The following MACROD2 variants were observed in gnomAD, a reference collection of about 807,000 sequenced individuals.
MACROD2 encodes ADP-ribose glycohydrolase MACROD2.
A neutral mutation model predicts 70.4 loss-of-function variants in MACROD2; 36 were observed. The ratio of observed to expected loss-of-function variants is 0.51; its 90% confidence interval spans 0.39 to 0.68. The LOEUF is 0.68. Among genes scored for constraint, MACROD2 ranks in the 30% least tolerant of loss-of-function variants. The probability of loss-of-function intolerance (pLI) is 0.00; values close to 1 mark genes in which losing one functional copy is unlikely to be tolerated. For missense variants in MACROD2, 496 were observed against 538.4 expected (o/e 0.92, Z 0.78); for synonymous variants, 172 against 178.8 (o/e 0.96, Z 0.30).
intron 3 of MACROD2, among the ~76,000 whole-genome samples, chr20:14,206,525 C>T (rs1445403659): frequency 6.6e-6 from 1 of 152,214 alleles, no homozygotes; most frequent in Non-Finnish European, 1.5e-5. Flanking sequence ...CTTTTGCCAT[C>T]TTACCTATGA....
intron 7 of MACROD2, among the ~76,000 whole-genome samples, chr20:15,466,478 T>G (rs1361177154): frequency 1.3e-5 from 2 of 152,210 alleles, no homozygotes; most frequent in African/African-American, 4.8e-5. Flanking sequence ...ACGGTGGCAT[T>G]TTTATGAACT....
chr20:15,946,464 T>C lies in MACROD2; in HGVS notation c.907+8920T>C, dbSNP rs1208261671. On this transcript the variant is annotated intron_variant, in intron 12 of 17. Transcript: ENST00000684519. Reference sequence around the variant, plus strand: ...GGTGCATGCATATTTTCACCTTTCTTGATTTCTGTTCTCTTCATTACAATT... The same window carrying C: ...GGTGCATGCATATTTTCACCTTTCTCGATTTCTGTTCTCTTCATTACAATT... 2.0e-5 allele frequency among the ~76,000 whole-genome samples: 3 copies of C among 152,196 alleles called. No individual in the cohort carries two copies. In the East Asian group the frequency reaches 5.8e-4, roughly 29 times the overall value.
chr20:14,044,509 C>T (rs1451040368), intron 2 of MACROD2, among the ~76,000 whole-genome samples: 1 of 152,064 alleles, frequency 6.6e-6, no homozygotes, highest in Non-Finnish European at 1.5e-5. Context: ...GTCCATTTTA[C>T]AGAGAGCTGA....
intron 15 of MACROD2, among the ~76,000 whole-genome samples, chr20:16,032,495 TAA>T (rs1157446669): frequency 6.6e-6 from 1 of 150,792 alleles, no homozygotes; most frequent in Non-Finnish European, 1.5e-5. Flanking sequence ...TCCATAATAA[TAA>T]GTCTTAAATT....
chr20:14,206,922 G>A (rs1209375271), intron 3 of MACROD2, among the ~76,000 whole-genome samples: 4 of 152,010 alleles, frequency 2.6e-5, no homozygotes, highest in South Asian at 2.1e-4. Context: ...AAAATTTGTC[G>A]AATTGAATCA....
intron 4 of MACROD2, among the ~76,000 whole-genome samples, chr20:14,683,110 C>T (rs961643986): frequency 1.3e-5 from 2 of 152,072 alleles, no homozygotes; most frequent in Admixed American, 1.3e-4. Flanking sequence ...AACATCTGAC[C>T]TCAGGTGATC....
intron 15 of MACROD2, among the ~76,000 whole-genome samples, chr20:15,991,929 A>G (rs1407517272): frequency 6.6e-6 from 1 of 152,224 alleles, no homozygotes; most frequent in African/African-American, 2.4e-5. Context: ...CATAAAAATT[A>G]TAAAGTTTTA....
At chr20:15,201,677 GTTAA>G (rs967285562) in intron 5 of MACROD2, among the ~76,000 whole-genome samples, 11 of 152,242 alleles carry the variant, frequency 7.2e-5, no homozygotes, top group Admixed American at 6.5e-4. Flanking sequence ...GATTTGACAG[GTTAA>G]TTAATTATTT....
At chr20:14,816,959 T>C (rs1473940990) in intron 5 of MACROD2, among the ~76,000 whole-genome samples, 1 of 152,056 alleles carries the variant, frequency 6.6e-6, no homozygotes, top group African/African-American at 2.4e-5. Context: ...GTAAATAAAA[T>C]ATTTCTTACA....
intron 6 of MACROD2, among the ~76,000 whole-genome samples, chr20:15,416,015 C>T (rs1222007153): frequency 6.6e-6 from 1 of 152,186 alleles, no homozygotes; most frequent in African/African-American, 2.4e-5. Flanking sequence ...CAGCTGCTTG[C>T]TCCCCTCCTT....
intron 5 of MACROD2, among the ~76,000 whole-genome samples, chr20:14,787,669 C>A (rs893834836): frequency 6.6e-6 from 1 of 152,142 alleles, no homozygotes; most frequent in East Asian, 1.9e-4. Flanking sequence ...CCTTTTCATG[C>A]CGGGGAAGCC....
At chr20:14,569,850 G>A (rs1359249367) in intron 4 of MACROD2, among the ~76,000 whole-genome samples, 1 of 151,828 alleles carries the variant, frequency 6.6e-6, no homozygotes, top group Non-Finnish European at 1.5e-5. Context: ...GAAAATGCAA[G>A]TGCAAACCAC....
At position 15,317,512 on chromosome 20, in the gene MACROD2, T is replaced by TCTAC. The variant is rs1272776766; in HGVS notation, c.540+87454_540+87455insCCTA. Among the ~76,000 whole-genome samples, 706 of 148,750 alleles carry TCTAC rather than the reference T, an allele frequency of 4.7e-3. 1 individual carries two copies. Among genetic ancestry groups the TCTAC allele is most frequent in the Non-Finnish European group, 8.1e-3 (542 of 67,058 alleles). On this transcript the variant is annotated intron_variant, in intron 6 of 17. Transcript: ENST00000684519. ...ATCTATCTATCTATCTATCTATCTA[T>TCTAC]CTATCTATCTATCTGTCTATCTATC...
intron 3 of MACROD2, among the ~76,000 whole-genome samples, chr20:14,439,719 T>A (rs777137153): frequency 6.6e-6 from 1 of 152,180 alleles, no homozygotes; most frequent in Non-Finnish European, 1.5e-5. Flanking sequence ...GTTGTGAGGA[T>A]TGAATGAGTT....
At chr20:15,631,066 T>A (rs970218037) in intron 8 of MACROD2, among the ~76,000 whole-genome samples, 1 of 152,236 alleles carries the variant, frequency 6.6e-6, no homozygotes, top group African/African-American at 2.4e-5. Context: ...AATTAGTTTG[T>A]TTTGTAAAAC....
chr20:15,938,531 A>G (rs2065701566), intron 12 of MACROD2, among the ~76,000 whole-genome samples: 1 of 152,158 alleles, frequency 6.6e-6, no homozygotes, highest in African/African-American at 2.4e-5. Context: ...CCCATATAAG[A>G]TAGTGGACTT....
At chr20:14,503,723 T>C (rs982599760) in intron 4 of MACROD2, among the ~76,000 whole-genome samples, 2 of 152,152 alleles carry the variant, frequency 1.3e-5, no homozygotes, top group African/African-American at 4.8e-5. Flanking sequence ...AGGCTAAAAA[T>C]CCACTAACTC....
chr20:14,563,210 G>A (rs1979551184), intron 4 of MACROD2, among the ~76,000 whole-genome samples: 1 of 151,782 alleles, frequency 6.6e-6, no homozygotes, highest in Non-Finnish European at 1.5e-5. Context: ...GCAGCATGAA[G>A]CTAGGGTACG....
At chr20:15,875,604 A>C (rs1165151138) in intron 9 of MACROD2, among the ~76,000 whole-genome samples, 2 of 151,878 alleles carry the variant, frequency 1.3e-5, no homozygotes, top group African/African-American at 2.4e-5. Flanking sequence ...TAACCAAGCA[A>C]CCTGAATGCA....
Sources: gnomAD v4.1 joint callset for allele counts (sites outside exome capture counted in the v4.1 genomes callset) on GRCh38, gnomAD v4.1.1 for gene constraint, MANE v1.5 for transcripts, NCBI Gene and HGNC (gene_info 2026-07-23, HGNC 2026-07-21) for gene names.